Variants in ABI3BP observed in about 807,000 individuals in gnomAD.
ABI3BP encodes the protein ABI family member 3 binding protein.
Under a neutral mutation model 268.6 loss-of-function variants are expected in ABI3BP, and 216 were observed. The ratio of observed to expected loss-of-function variants is 0.80; its 90% CI spans 0.72 to 0.90. The LOEUF is 0.90. Among genes scored for constraint, ABI3BP ranks in the 40% least tolerant of loss-of-function variants. ABI3BP has a pLI of 0.00. For synonymous variants in ABI3BP, 730 were observed against 730.0 expected, an observed-to-expected ratio of 1.00 and a Z score of 0.00; for missense variants, 2,090 against 2,182.4, an observed-to-expected ratio of 0.96 and a Z score of 0.84.
chr3:100,883,007 T>C (rs1408640542), intron 6 of ABI3BP, among the ~76,000 whole-genome samples: 3 of 152,114 alleles, frequency 2.0e-5, no homozygotes, highest in African/African-American at 7.2e-5. Context: ...CTACGTTTCC[T>C]ATACAATGTT....
In ABI3BP at chr3:100,841,903, A is replaced by ATT; in HGVS notation, c.1765+94_1765+95insAA. 7.3e-6 allele frequency: 4 copies of ATT among 551,108 alleles called. No homozygotes were observed. The South Asian group carries it at 1.0e-4, about 14-fold the overall frequency. The allele number at this position is 551,108 out of a possible 1,614,324, so 34.1% of individuals were successfully genotyped here. A position where few individuals can be genotyped will look rare whatever the true frequency, so the allele number is the denominator to read the frequency against. ...AGAGTGAAACTTCATCTGGAGAAGA[A>ATT]AAAAAAAAAAAAACAAAACCCAAAG... On this transcript the variant is annotated intron_variant, in intron 21 of 67. Transcript: ENST00000471714.
Position 100,816,279 on chromosome 3 carries a change from C to T in ABI3BP, c.3230-308G>A, listed in dbSNP as rs368434039. ...TGGAAATTTGTTTAGGCAACAGATACGAAAATACAGAGAGAAATATATATG... is the reference window on the plus strand; with the variant it reads ...TGGAAATTTGTTTAGGCAACAGATATGAAAATACAGAGAGAAATATATATG... On this transcript the variant is annotated intron_variant, in intron 43 of 67. Transcript: ENST00000471714. 13 of 443,040 alleles carry T rather than the reference C, an allele frequency of 2.9e-5. 1 individual carries two copies. Among genetic ancestry groups the T allele is most frequent in the East Asian group, 2.0e-4 (5 of 24,534 alleles). 27.4% of individuals were successfully genotyped at this position (443,040 alleles called of 1,614,324 possible). A position where few individuals can be genotyped will look rare whatever the true frequency, so the allele number is the denominator to read the frequency against.
rs905893293 is a variant in ABI3BP at position 100,893,320 on chromosome 3, C to A, written c.461+5442G>T. On this transcript the variant is annotated intron_variant, in intron 4 of 67. Coordinates refer to ENST00000471714, the MANE Select transcript of ABI3BP (RefSeq NM_001375547.2). Reference sequence around the variant, plus strand: ...ACTGGCTTCCTTGTTCCTCAGCTTGCAGACGGCCTGTTATGAAACCTCAAC... The same window carrying A: ...ACTGGCTTCCTTGTTCCTCAGCTTGAAGACGGCCTGTTATGAAACCTCAAC... 8.5e-5 allele frequency among the ~76,000 whole-genome samples: 13 copies of A among 152,234 alleles called. 1 individual carries two copies. The highest frequency in any genetic ancestry group is 6.2e-4 in the South Asian group (3 of 4,814).
chr3:100,787,141 A>C (rs144941335), intron 57 of ABI3BP, among the ~76,000 whole-genome samples: 1 of 152,296 alleles, frequency 6.6e-6, no homozygotes, highest in Non-Finnish European at 1.5e-5. Context: ...TATTTATTAG[A>C]TCAGTGTCCT....
intron 1 of ABI3BP, among the ~76,000 whole-genome samples, chr3:100,931,152 T>A (rs540834676): frequency 6.6e-6 from 1 of 152,182 alleles, no homozygotes; most frequent in African/African-American, 2.4e-5. Context: ...CCTTCCATGT[T>A]AAAAATCCTC....
intron 54 of ABI3BP, among the ~76,000 whole-genome samples, chr3:100,794,306 C>T (rs541801960): frequency 4.3e-4 from 66 of 152,080 alleles, no homozygotes; most frequent in South Asian, 3.1e-3. Context: ...CTTGGCCAAA[C>T]TTTTAAACCC....
intron 44 of ABI3BP, among the ~76,000 whole-genome samples, chr3:100,814,994 C>T (rs569491547): frequency 1.3e-5 from 2 of 152,206 alleles, no homozygotes; most frequent in African/African-American, 4.8e-5. Flanking sequence ...ATTGTCATAC[C>T]TGTGATTCAA....
At chr3:100,990,084 C>A (rs928726810) in intron 1 of ABI3BP, among the ~76,000 whole-genome samples, 1 of 152,162 alleles carries the variant, frequency 6.6e-6, no homozygotes, top group Non-Finnish European at 1.5e-5. Context: ...AGAAGCCTCC[C>A]TTGTTGCCAC....
chr3:100,900,354 G>A (rs1038855394), intron 3 of ABI3BP, among the ~76,000 whole-genome samples: 10 of 152,150 alleles, frequency 6.6e-5, no homozygotes, highest in Admixed American at 4.6e-4. Flanking sequence ...TTTCACTAAC[G>A]TGATGCAACG....
At chr3:100,759,178 G>T (rs1485686329) in intron 63 of ABI3BP, among the ~76,000 whole-genome samples, 1 of 152,144 alleles carries the variant, frequency 6.6e-6, no homozygotes, top group Non-Finnish European at 1.5e-5. Context: ...GTTGGTTTGA[G>T]TTGTTCAGCC....
chr3:100,758,137 C>T (rs1279712617), intron 63 of ABI3BP, among the ~76,000 whole-genome samples: 1 of 151,982 alleles, frequency 6.6e-6, no homozygotes, highest in Non-Finnish European at 1.5e-5. Context: ...CCCCGCGCAT[C>T]CCCATCAGGA....
chr3:100,914,444 G>T (rs543686929), intron 2 of ABI3BP: 1 of 455,422 alleles, frequency 2.2e-6, no homozygotes, highest in South Asian at 1.6e-5. Flanking sequence ...GCAGCCAGCC[G>T]TACCACAGAA....
rs576521595 is a variant in ABI3BP at position 100,971,620 on chromosome 3, C to G, written c.79+21686G>C. Reference sequence around the variant, plus strand: ...AAAGACAAAACGTGCTTCCACTCTTCCACTTTTATGCTCACCACTTGTTCT... The same window carrying G: ...AAAGACAAAACGTGCTTCCACTCTTGCACTTTTATGCTCACCACTTGTTCT... On this transcript the variant is annotated intron_variant, in intron 1 of 67. Transcript: ENST00000471714. Among the ~76,000 whole-genome samples the G allele has an allele frequency of 3.9e-5, 6 of 152,306 alleles. No homozygotes were observed. The South Asian group carries it at 1.0e-3, about 26-fold the overall frequency.
In ABI3BP at chr3:100,798,093, A is replaced by G. The variant is rs1227194870; in HGVS notation, c.3758-1625T>C. Among the ~76,000 whole-genome samples, 3 of 152,258 alleles carry G rather than the reference A, an allele frequency of 2.0e-5. No homozygotes were observed. The East Asian group carries it at 5.8e-4, about 29-fold the overall frequency. On this transcript the variant is annotated intron_variant, in intron 51 of 67. Coordinates refer to ENST00000471714, the MANE Select transcript of ABI3BP (RefSeq NM_001375547.2). ...AGTTACAGTACTACACCAAACAAAA[A>G]GGAGCTGGGATTAAGGAAAGGAGAA...
At chr3:100,968,703 A>T (rs1240497689) in intron 1 of ABI3BP, among the ~76,000 whole-genome samples, 1 of 151,718 alleles carries the variant, frequency 6.6e-6, no homozygotes, top group Non-Finnish European at 1.5e-5. Context: ...CTTTTTATTT[A>T]TTGTACTTTA....
At chr3:100,766,087 A>C in intron 62 of ABI3BP, 138 bp from the exon 63 acceptor site, 1 of 618,398 alleles carries the variant, frequency 1.6e-6, no homozygotes, top group Non-Finnish European at 2.8e-6. Context: ...TATTGATCTT[A>C]CACATTGGCA....
chr3:100,775,072 T>A, intron 60 of ABI3BP, 135 bp downstream of exon 60: 2 of 1,077,080 alleles, frequency 1.9e-6, no homozygotes, highest in Admixed American at 5.9e-5. Context: ...ATTTTAAAAT[T>A]AAAAACAACC....
intron 63 of ABI3BP, among the ~76,000 whole-genome samples, chr3:100,758,263 C>A (rs770342057): frequency 6.6e-6 from 1 of 152,126 alleles, no homozygotes; most frequent in Non-Finnish European, 1.5e-5. Context: ...TTTACTCTTA[C>A]ATAAAAATGA....
intron 1 of ABI3BP, among the ~76,000 whole-genome samples, chr3:100,966,027 G>A (rs773258438): frequency 2.6e-5 from 4 of 152,162 alleles, no homozygotes; most frequent in Non-Finnish European, 5.9e-5. Flanking sequence ...CCAGTTCTGT[G>A]ACTAGCTTAG....
Sources: gnomAD v4.1 joint callset for allele counts (sites outside exome capture counted in the v4.1 genomes callset) on GRCh38, gnomAD v4.1.1 for gene constraint, MANE v1.5 for transcripts, NCBI Gene and HGNC (gene_info 2026-07-23, HGNC 2026-07-21) for gene names.